HOATZ: variants seen among roughly 807,000 people sequenced by gnomAD.
HOATZ encodes cilia- and flagella-associated protein HOATZ.
A neutral mutation model predicts 24.9 loss-of-function variants in HOATZ; 26 were observed. That is an observed-to-expected ratio of 1.04 (90% CI 0.76 to 1.45). The LOEUF (loss-of-function observed/expected upper bound fraction) is 1.45, where lower values mean the gene tolerates loss of function less well. Among genes scored for constraint, HOATZ ranks in the 40% most tolerant of loss-of-function variants. HOATZ has a pLI of 0.00. For missense variants in HOATZ, 226 were observed against 201.5 expected (o/e 1.12, Z -0.74); for synonymous variants, 83 against 76.6 (o/e 1.08, Z -0.43).
intron 3 of HOATZ, among the ~76,000 whole-genome samples, chr11:111,521,003 C>T (rs1038917745): frequency 1.3e-5 from 2 of 152,132 alleles, no homozygotes; most frequent in Non-Finnish European, 2.9e-5. Context: ...CGGTAGCATC[C>T]GCAGTTGCAG....
At chr11:111,521,900 G>C (rs1254550417) in intron 3 of HOATZ, among the ~76,000 whole-genome samples, 1 of 152,138 alleles carries the variant, frequency 6.6e-6, no homozygotes, top group Non-Finnish European at 1.5e-5. Flanking sequence ...TCTACAGTCT[G>C]TAAAATCATA....
intron 4 of HOATZ, 75 bp downstream of exon 4, chr11:111,533,880 A>G (rs1867420645): frequency 4.7e-6 from 5 of 1,063,248 alleles, no homozygotes; most frequent in Admixed American, 2.7e-5. Flanking sequence ...GAGGTTTTAT[A>G]GATTGAACCC....
At position 111,515,569 on chromosome 11, in the gene HOATZ, A is replaced by C. The variant is rs750851481; in HGVS notation, c.268+17A>C. On this transcript the variant is annotated intron_variant, in intron 2 of 5. Transcript: ENST00000375618. ...CGAGTAACAGTAAGTACCAAGTTTTATGCCTTTCAACATTCTGACTCCTAG... is the reference window on the plus strand; with the variant it reads ...CGAGTAACAGTAAGTACCAAGTTTTCTGCCTTTCAACATTCTGACTCCTAG... The C allele has an allele frequency of 1.9e-6, 3 of 1,604,792 alleles. No homozygotes were observed. The highest frequency in any genetic ancestry group is 2.6e-6 in the Non-Finnish European group (3 of 1,171,622).
chr11:111,531,991 G>T (rs539112199), intron 3 of HOATZ, among the ~76,000 whole-genome samples: 4 of 152,134 alleles, frequency 2.6e-5, no homozygotes, highest in Non-Finnish European at 5.9e-5. Flanking sequence ...TGCCTTAAAA[G>T]CTTTCTTCCC....
chr11:111,515,380 G>C (rs756714890), intron 1 of HOATZ, 131 bp from the exon 2 acceptor site: 15 of 704,156 alleles, frequency 2.1e-5, no homozygotes, highest in Non-Finnish European at 3.5e-5. Flanking sequence ...GAACTTCCTG[G>C]ACCTGTGAGC....
chr11:111,522,211 ATAAT>A (rs777959598), intron 3 of HOATZ, among the ~76,000 whole-genome samples: 2 of 152,278 alleles, frequency 1.3e-5, no homozygotes, highest in Non-Finnish European at 2.9e-5. Flanking sequence ...CTTATAAAAC[ATAAT>A]TAAATGAAAC....
chr11:111,517,879 CT>C (rs201810618), intron 3 of HOATZ, among the ~76,000 whole-genome samples: 2 of 151,324 alleles, frequency 1.3e-5, no homozygotes, highest in African/African-American at 2.4e-5. Flanking sequence ...AGCCCTCCTG[CT>C]TTTTTTTTCC....
At chr11:111,522,495 G>A (rs988289697) in intron 3 of HOATZ, among the ~76,000 whole-genome samples, 8 of 152,108 alleles carry the variant, frequency 5.3e-5, no homozygotes, top group African/African-American at 1.2e-4. Context: ...AGATGAAAAC[G>A]TTCTTAGGCA....
chr11:111,529,735 A>G (rs1867376252), intron 3 of HOATZ, among the ~76,000 whole-genome samples: 2 of 152,162 alleles, frequency 1.3e-5, no homozygotes, highest in African/African-American at 4.8e-5. Flanking sequence ...CAGTTTGTAT[A>G]TGGGAACCAG....
intron 3 of HOATZ, among the ~76,000 whole-genome samples, chr11:111,529,989 T>C (rs1867378573): frequency 6.6e-6 from 1 of 152,202 alleles, no homozygotes; most frequent in African/African-American, 2.4e-5. Context: ...AATTCCTTCA[T>C]GCCTGTAGAC....
chr11:111,518,183 T>G (rs538727394), intron 3 of HOATZ, among the ~76,000 whole-genome samples: 83 of 152,338 alleles, frequency 5.4e-4, no homozygotes, highest in African/African-American at 1.9e-3. Flanking sequence ...CACTGCAATA[T>G]AGAAGATGAT....
chr11:111,520,921 C>T (rs1294932213), intron 3 of HOATZ, among the ~76,000 whole-genome samples: 7 of 152,168 alleles, frequency 4.6e-5, no homozygotes, highest in Non-Finnish European at 1.5e-5. Flanking sequence ...TAATCTCTTA[C>T]TGTCTCTAAT....
chr11:111,534,544 C>A, intron 5 of HOATZ, 80 bp downstream of exon 5: 1 of 1,139,808 alleles, frequency 8.8e-7, no homozygotes, highest in South Asian at 1.3e-5. Context: ...CTTACTTTGC[C>A]ACTTACCCTT....
intron 5 of HOATZ, 35 bp from the exon 6 acceptor site, chr11:111,536,735 T>C: frequency 6.5e-7 from 1 of 1,532,234 alleles, no homozygotes; most frequent in South Asian, 1.1e-5. Context: ...GGCGGAGTTC[T>C]GTGTATTGGA....
chr11:111,521,558 A>G (rs1867269193), intron 3 of HOATZ, among the ~76,000 whole-genome samples: 1 of 152,176 alleles, frequency 6.6e-6, no homozygotes, highest in African/African-American at 2.4e-5. Context: ...TATGATATTT[A>G]TGAAATTCCT....
intron 3 of HOATZ, among the ~76,000 whole-genome samples, chr11:111,525,912 A>T (rs1295255766): frequency 1.3e-5 from 2 of 152,248 alleles, no homozygotes; most frequent in African/African-American, 4.8e-5. Flanking sequence ...CTCTGCCCTT[A>T]TATGAAATTT....
intron 2 of HOATZ, 86 bp downstream of exon 2, chr11:111,515,638 A>G: frequency 8.7e-7 from 1 of 1,147,894 alleles, no homozygotes; most frequent in Admixed American, 1.8e-5. Context: ...ACTACTTTAC[A>G]CTGTGGTATA....
chr11:111,526,874 A>G (rs374468104), intron 3 of HOATZ: 46 of 152,342 alleles, frequency 3.0e-4, no homozygotes, highest in African/African-American at 1.1e-3. Flanking sequence ...AGCTCATATA[A>G]CCAGCAACAA....
chr11:111,523,286 T>G (rs761923733), intron 3 of HOATZ, among the ~76,000 whole-genome samples: 3 of 148,696 alleles, frequency 2.0e-5, no homozygotes, highest in African/African-American at 5.0e-5. Flanking sequence ...TGCAAGAAGG[T>G]TGTGATGTGC....
Sources: gnomAD v4.1 joint callset for allele counts (sites outside exome capture counted in the v4.1 genomes callset) on GRCh38, gnomAD v4.1.1 for gene constraint, MANE v1.5 for transcripts, NCBI Gene and HGNC (gene_info 2026-07-23, HGNC 2026-07-21) for gene names.